PHLPP1: variants seen among roughly 807,000 people sequenced by gnomAD.
PHLPP1 encodes PH domain leucine-rich repeat-containing protein phosphatase 1.
A neutral mutation model predicts 117.2 loss-of-function variants in PHLPP1; 42 were observed. The ratio of observed to expected loss-of-function variants is 0.36; its 90% CI spans 0.28 to 0.46. PHLPP1 has a LOEUF of 0.46. Ranked by LOEUF, PHLPP1 falls within the 20% of genes least tolerant of loss-of-function variation. The probability of loss-of-function intolerance (pLI) is 1.00; values close to 1 mark genes in which losing one functional copy is unlikely to be tolerated. For synonymous variants in PHLPP1, 1,042 were observed against 970.7 expected, an observed-to-expected ratio of 1.07 and a Z score of -1.37; for missense variants, 2,084 against 2,241.9, an observed-to-expected ratio of 0.93 and a Z score of 1.42.
At chr18:62,971,470 C>G (rs1414684927) in intron 14 of PHLPP1, among the ~76,000 whole-genome samples, 1 of 151,352 alleles carries the variant, frequency 6.6e-6, no homozygotes, top group Non-Finnish European at 1.5e-5. Context: ...GGAGTGGAGA[C>G]AGTCTCCAAA....
chr18:62,892,286 A>G (rs982315923), intron 4 of PHLPP1, among the ~76,000 whole-genome samples: 2 of 151,610 alleles, frequency 1.3e-5, no homozygotes, highest in African/African-American at 4.8e-5. Flanking sequence ...ACAGGGTTTC[A>G]CCATGTTGGC....
At chr18:62,832,433 A>G in intron 2 of PHLPP1, 1 of 152,228 alleles carries the variant, frequency 6.6e-6, no homozygotes, top group East Asian at 1.9e-4. Context: ...TTATGCTTAT[A>G]GAGGCAGAGG....
intron 1 of PHLPP1, among the ~76,000 whole-genome samples, chr18:62,804,810 A>G (rs964431929): frequency 6.6e-6 from 1 of 150,676 alleles, no homozygotes; most frequent in African/African-American, 2.4e-5. Context: ...TACACACAGT[A>G]TAATATACAC....
At chr18:62,769,818 T>C (rs1568111299) in intron 1 of PHLPP1, among the ~76,000 whole-genome samples, 1 of 152,232 alleles carries the variant, frequency 6.6e-6, no homozygotes, top group Non-Finnish European at 1.5e-5. Context: ...ATCTAGAACA[T>C]TTCCATCTTA....
rs113873882 is a variant in PHLPP1 at position 62,871,867 on chromosome 18, A to C, written c.2066+11266A>C. On this transcript the variant is annotated intron_variant, in intron 4 of 16. Coordinates refer to ENST00000262719, the MANE Select transcript of PHLPP1 (RefSeq NM_194449.4). ...ACCATGTTGGCCAGGCTGGTCTTGA[A>C]TTCCTCACCTCAAGTGATCCGCCTG... Among the ~76,000 whole-genome samples, 876 of 152,060 alleles carry C rather than the reference A, an allele frequency of 5.8e-3. 13 individuals carry two copies. The highest frequency in any genetic ancestry group is 0.02 in the African/African-American group (833 of 41,468).
intron 1 of PHLPP1, among the ~76,000 whole-genome samples, chr18:62,753,394 G>T (rs1471560843): frequency 6.6e-6 from 1 of 152,174 alleles, no homozygotes; most frequent in Non-Finnish European, 1.5e-5. Flanking sequence ...AGTTTGATTA[G>T]AGGAAAATAA....
intron 3 of PHLPP1, among the ~76,000 whole-genome samples, chr18:62,852,528 A>T (rs2144354356): frequency 6.6e-6 from 1 of 152,140 alleles, no homozygotes; most frequent in South Asian, 2.1e-4. Context: ...TATTTTTAGT[A>T]GAGACGGGGT....
intron 4 of PHLPP1, 31 bp downstream of exon 4, chr18:62,860,632 G>A (rs755471039): frequency 1.3e-6 from 2 of 1,572,650 alleles, no homozygotes; most frequent in Non-Finnish European, 1.7e-6. Flanking sequence ...AGATCATTAG[G>A]AAGGGGTGGG....
At chr18:62,894,783 G>A (rs1280482342) in intron 4 of PHLPP1, among the ~76,000 whole-genome samples, 2 of 152,148 alleles carry the variant, frequency 1.3e-5, no homozygotes, top group Non-Finnish European at 2.9e-5. Flanking sequence ...TTATTTTAGA[G>A]GGAAAAGTTT....
intron 3 of PHLPP1, among the ~76,000 whole-genome samples, chr18:62,845,907 A>G (rs1007140990): frequency 3.9e-5 from 6 of 152,160 alleles, no homozygotes; most frequent in African/African-American, 1.4e-4. Flanking sequence ...CAAGCCTACC[A>G]TAGAATCTAA....
intron 12 of PHLPP1, among the ~76,000 whole-genome samples, chr18:62,947,060 A>AAACAAC (rs899892989): frequency 6.6e-6 from 1 of 152,184 alleles, no homozygotes; most frequent in East Asian, 1.9e-4. Context: ...CTCAAAAAAC[A>AAACAAC]AACAACAACA....
chr18:62,730,782 C>T (rs893564315), intron 1 of PHLPP1, among the ~76,000 whole-genome samples: 41 of 137,026 alleles, frequency 3.0e-4, no homozygotes, highest in Non-Finnish European at 5.9e-4. Context: ...ATGAGCAAAA[C>T]TTTGTCTCAA....
At position 62,838,840 on chromosome 18, in the gene PHLPP1, A is replaced by G. The variant is rs770610975; in HGVS notation, c.1830A>G (p.Gln610=). Residue 610 remains glutamine (Q), a synonymous_variant, in exon 3 of 17, where the codon CAA becomes CAG. Transcript: ENST00000262719. ...HCLAFSSSGP[Q]SQTYYICFDT... ...TAGCATTTAGCTCCTCTGGACCCCA[A>G]AGCCAGACTTACTACATTTGCTTTG... The G allele has an allele frequency of 1.4e-4, 219 of 1,613,690 alleles. No individual in the cohort carries two copies. Among genetic ancestry groups the G allele is most frequent in the Non-Finnish European group, 1.8e-4 (210 of 1,179,726 alleles).
intron 4 of PHLPP1, among the ~76,000 whole-genome samples, chr18:62,877,242 T>G (rs1916070153): frequency 6.6e-6 from 1 of 152,206 alleles, no homozygotes; most frequent in Non-Finnish European, 1.5e-5. Flanking sequence ...AGCCCACATT[T>G]CCAGGTTTTA....
chr18:62,921,958 T>G (rs1359828477), intron 10 of PHLPP1, among the ~76,000 whole-genome samples: 1 of 152,216 alleles, frequency 6.6e-6, no homozygotes, highest in African/African-American at 2.4e-5. Flanking sequence ...CTCATGTAAG[T>G]TATAATGAAT....
At chr18:62,873,922 C>T in intron 4 of PHLPP1, among the ~76,000 whole-genome samples, 1 of 152,090 alleles carries the variant, frequency 6.6e-6, no homozygotes, top group East Asian at 1.9e-4. Context: ...CGGTGGCTCA[C>T]GCTTGTAATC....
At chr18:62,921,280 C>T (rs958151321) in intron 10 of PHLPP1, among the ~76,000 whole-genome samples, 4 of 152,064 alleles carry the variant, frequency 2.6e-5, no homozygotes, top group Non-Finnish European at 5.9e-5. Flanking sequence ...AAGACAAAAA[C>T]GTTAAATTTA....
At chr18:62,800,208 G>T (rs989376465) in intron 1 of PHLPP1, among the ~76,000 whole-genome samples, 4 of 152,176 alleles carry the variant, frequency 2.6e-5, no homozygotes, top group Admixed American at 2.0e-4. Context: ...GCTGAATCCA[G>T]TGGGAGGCAG....
At chr18:62,868,973 C>T (rs1171221716) in intron 4 of PHLPP1, among the ~76,000 whole-genome samples, 1 of 152,142 alleles carries the variant, frequency 6.6e-6, no homozygotes, top group Non-Finnish European at 1.5e-5. Context: ...GGACATGAGC[C>T]ATCTTTCAGC....
Sources: gnomAD v4.1 joint callset for allele counts (sites outside exome capture counted in the v4.1 genomes callset) on GRCh38, gnomAD v4.1.1 for gene constraint, MANE v1.5 for transcripts, NCBI Gene and HGNC (gene_info 2026-07-23, HGNC 2026-07-21) for gene names.